The following EVL variants were observed in gnomAD, a reference collection of about 807,000 sequenced individuals.
EVL encodes the protein Enah/Vasp-like.
EVL carries 21 observed loss-of-function variants against 59.6 expected under a neutral mutation model. The observed-to-expected ratio is 0.35, with a 90% confidence interval of 0.25 to 0.51. The LOEUF (loss-of-function observed/expected upper bound fraction) is 0.51, where lower values mean the gene tolerates loss of function less well. EVL is among the 20% of genes least tolerant of loss of function. EVL has a pLI of 0.97. For synonymous variants in EVL, 198 were observed against 203.5 expected (o/e 0.97, Z 0.23); for missense variants, 462 against 546.6 (o/e 0.85, Z 1.54).
intron 1 of EVL, among the ~76,000 whole-genome samples, chr14:100,077,101 C>G (rs2062178918): frequency 6.6e-6 from 1 of 152,152 alleles, no homozygotes; most frequent in Admixed American, 6.5e-5. Flanking sequence ...AGGGAAGAGG[C>G]TCAGTCAGTT....
At chr14:100,120,268 C>T (rs867132959) in intron 3 of EVL, among the ~76,000 whole-genome samples, 1 of 152,184 alleles carries the variant, frequency 6.6e-6, no homozygotes, top group Non-Finnish European at 1.5e-5. Flanking sequence ...TGAACTTTTC[C>T]CCAAGGGTGA....
chr14:100,131,336 C>T (rs1286172897), intron 7 of EVL, among the ~76,000 whole-genome samples: 1 of 152,140 alleles, frequency 6.6e-6, no homozygotes, highest in Non-Finnish European at 1.5e-5. Flanking sequence ...TCAAGGCCCT[C>T]CCAAGAACAA....
At chr14:100,054,126 A>G (rs1290820173) in intron 1 of EVL, among the ~76,000 whole-genome samples, 3 of 132,200 alleles carry the variant, frequency 2.3e-5, no homozygotes. Flanking sequence ...GTGATCCCAG[A>G]TCACCGCAAC....
At chr14:99,990,375 T>C (rs1216997217) in intron 1 of EVL, among the ~76,000 whole-genome samples, 1 of 152,194 alleles carries the variant, frequency 6.6e-6, no homozygotes, top group Non-Finnish European at 1.5e-5. Flanking sequence ...CCCACTGTCT[T>C]AACCATTTTT....
intron 3 of EVL, among the ~76,000 whole-genome samples, chr14:100,112,295 C>T (rs1043868159): frequency 6.6e-6 from 1 of 152,196 alleles, no homozygotes; most frequent in Non-Finnish European, 1.5e-5. Flanking sequence ...TGCCTGCCCT[C>T]TCTCATCCAG....
chr14:100,070,131 C>T (rs557734388), intron 1 of EVL, among the ~76,000 whole-genome samples: 42 of 151,584 alleles, frequency 2.8e-4, no homozygotes, highest in African/African-American at 1.0e-3. Context: ...TGTGATAGTG[C>T]ATGCCTGAAG....
intron 1 of EVL, among the ~76,000 whole-genome samples, chr14:99,976,500 T>C (rs558629212): frequency 5.9e-5 from 9 of 152,342 alleles, no homozygotes; most frequent in South Asian, 2.1e-4. Context: ...TCTGTTTCTG[T>C]TGATTTTCAT....
intron 1 of EVL, among the ~76,000 whole-genome samples, chr14:100,038,682 C>T (rs926814693): frequency 6.6e-6 from 1 of 152,016 alleles, no homozygotes; most frequent in African/African-American, 2.4e-5. Flanking sequence ...ACTGATATCC[C>T]TCAACTCTTG....
intron 1 of EVL, among the ~76,000 whole-genome samples, chr14:100,077,747 A>T (rs1324974857): frequency 6.6e-6 from 1 of 151,992 alleles, no homozygotes. Flanking sequence ...CACTCACCTG[A>T]CTCTTACAGT....
chr14:100,137,190 G>C lies in EVL; in HGVS notation c.965-388G>C, dbSNP rs146287515. ...GGCGCAGCATGGGAGGCAGACTAAG[G>C]AGCCCCTCAGTAGCAGGTGCCGGGC... is the stretch of plus-strand genomic sequence containing the variant. On this transcript the variant is annotated intron_variant, in intron 9 of 13. Transcript: ENST00000392920. The C allele has an allele frequency of 7.3e-4, 195 of 265,980 alleles. 1 individual carries two copies. The highest frequency in any genetic ancestry group is 3.7e-3 in the African/African-American group (175 of 46,728). 16.5% of individuals were successfully genotyped at this position (265,980 alleles called of 1,614,324 possible).
chr14:100,097,887 T>C, intron 3 of EVL: 1 of 427,834 alleles, frequency 2.3e-6, no homozygotes, highest in Non-Finnish European at 4.1e-6. Flanking sequence ...TATAGATTTG[T>C]ACAGATGTGT....
intron 3 of EVL, among the ~76,000 whole-genome samples, chr14:100,120,022 G>A (rs1284353934): frequency 6.6e-6 from 1 of 152,148 alleles, no homozygotes; most frequent in East Asian, 1.9e-4. Flanking sequence ...TAGCAGAAAG[G>A]CATCTGAAAC....
chr14:100,079,650 C>T (rs912588138), intron 1 of EVL, among the ~76,000 whole-genome samples: 5 of 152,220 alleles, frequency 3.3e-5, no homozygotes, highest in African/African-American at 1.2e-4. Context: ...CCTCGTTCCT[C>T]CCTGTGGACC....
At chr14:100,110,745 G>A (rs1007907792) in intron 3 of EVL, among the ~76,000 whole-genome samples, 14 of 152,218 alleles carry the variant, frequency 9.2e-5, no homozygotes, top group African/African-American at 3.4e-4. Context: ...CAAAAGAGCT[G>A]CTGGCTTATT....
chr14:100,058,449 A>G (rs61984485), intron 1 of EVL, among the ~76,000 whole-genome samples: 4,581 of 152,312 alleles, frequency 0.03, 113 homozygotes, highest in Non-Finnish European at 0.047. Flanking sequence ...CTACTACCTA[A>G]GCAGTATACC....
intron 1 of EVL, among the ~76,000 whole-genome samples, chr14:99,991,874 G>A (rs1315152823): frequency 6.6e-6 from 1 of 150,814 alleles, no homozygotes; most frequent in African/African-American, 2.4e-5. Flanking sequence ...AGATTTTGGG[G>A]ATTCAAAGTT....
chr14:100,129,578 G>A lies in EVL; in HGVS notation c.733G>A (p.Gly245Arg). 6.2e-7 allele frequency: 1 copy of A among 1,613,688 alleles called. No individual in the cohort carries two copies. ...RRVQRPEDASGGSSPSGTSKS... is the reference protein window; with the variant it reads ...RRVQRPEDASRGSSPSGTSKS... ...TTTTCCTCAGCCAGAAGACGCATCTGGAGGCTCCAGTCCCAGTGGGACCTC... is the reference window on the plus strand; with the variant it reads ...TTTTCCTCAGCCAGAAGACGCATCTAGAGGCTCCAGTCCCAGTGGGACCTC... Residue 245 changes from glycine to arginine, a missense_variant, in exon 7 of 14, where the codon GGA becomes AGA. By Grantham distance (125) the Gly-to-Arg change is moderately radical. Transcript: ENST00000392920.
chr14:100,065,063 G>A (rs913147688), upstream of EVL, among the ~76,000 whole-genome samples: 1 of 152,044 alleles, frequency 6.6e-6, no homozygotes, highest in African/African-American at 2.4e-5. Flanking sequence ...TTCTATAACA[G>A]ATGGAAAACT....
At chr14:100,054,194 A>G (rs926149257) in intron 1 of EVL, among the ~76,000 whole-genome samples, 1 of 151,532 alleles carries the variant, frequency 6.6e-6, no homozygotes. Context: ...AGCTGGGATT[A>G]TAGGCACGCG....
Sources: gnomAD v4.1 joint callset for allele counts (sites outside exome capture counted in the v4.1 genomes callset) on GRCh38, gnomAD v4.1.1 for gene constraint, MANE v1.5 for transcripts, NCBI Gene and HGNC (gene_info 2026-07-23, HGNC 2026-07-21) for gene names.